The following TPX2 variants were observed in gnomAD, a reference collection of about 807,000 sequenced individuals.
The protein encoded by TPX2 is TPX2 microtubule nucleation factor.
Under a neutral mutation model 93.6 loss-of-function variants are expected in TPX2, and 21 were observed. The observed-to-expected ratio is 0.22, with a 90% CI of 0.16 to 0.32. The LOEUF (loss-of-function observed/expected upper bound fraction) is 0.32, where lower values mean the gene tolerates loss of function less well. TPX2 is among the 10% of genes least tolerant of loss of function. TPX2 has a pLI of 1.00. For synonymous variants in TPX2, 281 were observed against 298.3 expected (o/e 0.94, Z 0.60); for missense variants, 776 against 871.1 (o/e 0.89, Z 1.37).
Position 31,793,916 on chromosome 20 carries a change from A to G in TPX2, c.1578A>G (p.Gln526=), listed in dbSNP as rs368843967. 3.7e-6 allele frequency: 6 copies of G among 1,613,900 alleles called. No individual in the cohort carries two copies. Among genetic ancestry groups the G allele is most frequent in the African/African-American group, 2.7e-5 (2 of 74,922 alleles). ...ATTATGGGGTGCCTTTTAAGCCCCAAATCCCAGAGGCAAGAACTGTGGAAA... is the reference window on the plus strand; with the variant it reads ...ATTATGGGGTGCCTTTTAAGCCCCAGATCCCAGAGGCAAGAACTGTGGAAA... The part of the protein sequence containing the change: ...VPHYGVPFKP[Q]IPEARTVEIC... The change falls in exon 14 of 18, where the codon CAA becomes CAG. Residue 526 remains glutamine, a synonymous_variant. Coordinates refer to ENST00000300403, the MANE Select transcript of TPX2 (RefSeq NM_012112.5).
At chr20:31,797,631 C>A in intron 16 of TPX2, 116 bp downstream of exon 16, 3 of 928,446 alleles carry the variant, frequency 3.2e-6, no homozygotes, top group Non-Finnish European at 4.8e-6. Flanking sequence ...TTGACTTTAG[C>A]AGATGGTAGC....
chr20:31,769,318 CTTT>C (rs143158722), intron 5 of TPX2, among the ~76,000 whole-genome samples: 9 of 121,846 alleles, frequency 7.4e-5, no homozygotes, highest in Non-Finnish European at 3.4e-5. Flanking sequence ...AATGATCACG[CTTT>C]TTTTTTTTTT....
Position 31,759,449 on chromosome 20 carries a change from T to TAGTGC in TPX2, c.107-603_107-599dup, listed in dbSNP as rs900884235. Among the ~76,000 whole-genome samples, 5 of 147,258 alleles carry TAGTGC rather than the reference T, an allele frequency of 3.4e-5. No homozygotes were observed. In the Admixed American group the frequency reaches 3.4e-4, roughly 10 times the overall value. Reference sequence around the variant, plus strand: ...GGAGTCTTGCTCTGTCGCCAGGCTGTAGTGCAGTGGTGCGGTCTCAGCTTA... The same window carrying TAGTGC: ...GGAGTCTTGCTCTGTCGCCAGGCTGTAGTGCAGTGCAGTGGTGCGGTCTCAGCTTA... On this transcript the variant is annotated intron_variant, in intron 3 of 17. Coordinates refer to ENST00000300403, the MANE Select transcript of TPX2 (RefSeq NM_012112.5).
At chr20:31,766,449 GACA>G (rs2061925160) in intron 4 of TPX2, 104 bp from the exon 5 acceptor site, 2 of 1,223,836 alleles carry the variant, frequency 1.6e-6, no homozygotes, top group South Asian at 1.7e-5. Context: ...CTGTGGCTTA[GACA>G]GGGTGTGTGT....
chr20:31,745,174 A>G (rs1270399346), intron 2 of TPX2, among the ~76,000 whole-genome samples: 1 of 152,244 alleles, frequency 6.6e-6, no homozygotes, highest in Non-Finnish European at 1.5e-5. Context: ...TGATTTACCT[A>G]AAACAGTATA....
intron 3 of TPX2, among the ~76,000 whole-genome samples, chr20:31,759,682 G>A (rs539045096): frequency 1.3e-5 from 2 of 152,208 alleles, no homozygotes; most frequent in East Asian, 1.9e-4. Flanking sequence ...ACAGGTGTGA[G>A]CCATCGCTCC....
At chr20:31,750,383 A>G (rs911963722) in intron 2 of TPX2, among the ~76,000 whole-genome samples, 9 of 151,986 alleles carry the variant, frequency 5.9e-5, no homozygotes, top group African/African-American at 2.2e-4. Context: ...CGAACTCCTG[A>G]CCTCAGGCGA....
At chr20:31,762,475 A>G (rs2061895903) in intron 4 of TPX2, among the ~76,000 whole-genome samples, 1 of 151,934 alleles carries the variant, frequency 6.6e-6, no homozygotes, top group Non-Finnish European at 1.5e-5. Context: ...CCAACCTCCC[A>G]AGTAGTTGTG....
chr20:31,763,681 C>T (rs1232314132), intron 4 of TPX2, among the ~76,000 whole-genome samples: 1 of 150,934 alleles, frequency 6.6e-6, no homozygotes, highest in Non-Finnish European at 1.5e-5. Flanking sequence ...GATGAATTGG[C>T]CACTTTAATT....
chr20:31,797,351 G>C, intron 15 of TPX2, 53 bp from the exon 16 acceptor site: 2 of 1,511,528 alleles, frequency 1.3e-6, no homozygotes, highest in South Asian at 2.3e-5. Flanking sequence ...TATTGAGGTA[G>C]TGGTCATAGA....
chr20:31,791,359 C>CT (rs2062100056), intron 12 of TPX2, among the ~76,000 whole-genome samples: 1 of 152,192 alleles, frequency 6.6e-6, no homozygotes. Context: ...TCTTGGCTCA[C>CT]TGCAAGCTCC....
At chr20:31,775,222 G>T (rs957453367) in intron 7 of TPX2, among the ~76,000 whole-genome samples, 8 of 152,032 alleles carry the variant, frequency 5.3e-5, no homozygotes, top group African/African-American at 1.9e-4. Flanking sequence ...GCCTCCCAAA[G>T]TGCTGGGTTA....
chr20:31,797,347 G>GGT (rs746561688), intron 15 of TPX2, 57 bp from the exon 16 acceptor site: 169 of 1,477,024 alleles, frequency 1.1e-4, no homozygotes, highest in Non-Finnish European at 1.5e-4. Flanking sequence ...AAGTTATTGA[G>GGT]GTAGTGGTCA....
rs1252830994 is a variant in TPX2, at chr20:31,797,835, G to T, written c.1945+320G>T. On this transcript the variant is annotated intron_variant, in intron 16 of 17. Transcript: ENST00000300403. ...GAGGGAGAGCCAGTATGGCTTTCTG[G>T]AATTCACCCTGAAGCAAACTTTAGA... is the stretch of plus-strand genomic sequence containing the variant. Among the ~76,000 whole-genome samples, 3 of 152,016 alleles carry T rather than the reference G, an allele frequency of 2.0e-5. No homozygotes were observed. In the East Asian group the frequency reaches 5.8e-4, roughly 29 times the overall value.
At chr20:31,787,442 G>A (rs530872229) in intron 12 of TPX2, among the ~76,000 whole-genome samples, 5 of 151,768 alleles carry the variant, frequency 3.3e-5, no homozygotes, top group African/African-American at 9.7e-5. Flanking sequence ...TCTTCTACCC[G>A]CTTCACTTTT....
chr20:31,797,803 A>G (rs1028903904), intron 16 of TPX2, among the ~76,000 whole-genome samples: 1 of 152,174 alleles, frequency 6.6e-6, no homozygotes, highest in Non-Finnish European at 1.5e-5. Context: ...GAAACAAGTA[A>G]ATGAGGGAGG....
At chr20:31,777,457 T>A (rs761344696) in intron 8 of TPX2, 30 bp from the exon 9 acceptor site, 12 of 1,605,300 alleles carry the variant, frequency 7.5e-6, no homozygotes, top group Non-Finnish European at 9.4e-6. Context: ...CTTAATGTTG[T>A]CTGTATGTTT....
chr20:31,757,368 A>G, intron 2 of TPX2, 39 bp from the exon 3 acceptor site: 1 of 867,698 alleles, frequency 1.2e-6, no homozygotes, highest in Non-Finnish European at 1.8e-6. Flanking sequence ...TAATGATGGG[A>G]ATTTACTTAG....
intron 4 of TPX2, among the ~76,000 whole-genome samples, chr20:31,761,701 G>A (rs530373475): frequency 3.3e-5 from 5 of 152,250 alleles, no homozygotes; most frequent in Non-Finnish European, 7.4e-5. Flanking sequence ...GAATAGTGCT[G>A]TAATAAACAT....
Sources: gnomAD v4.1 joint callset for allele counts (sites outside exome capture counted in the v4.1 genomes callset) on GRCh38, gnomAD v4.1.1 for gene constraint, MANE v1.5 for transcripts, NCBI Gene and HGNC (gene_info 2026-07-23, HGNC 2026-07-21) for gene names.